Variants in GGT5 observed in about 807,000 individuals in gnomAD.
GGT5 encodes glutathione hydrolase 5 proenzyme.
In GGT5, 50 loss-of-function variants were observed where a neutral mutation model predicts 58.1. The ratio of observed to expected loss-of-function variants is 0.86; its 90% CI spans 0.69 to 1.09. GGT5 has a LOEUF of 1.09. Ranked by LOEUF, GGT5 falls within the 50% of genes least tolerant of loss-of-function variation. The probability of loss-of-function intolerance (pLI) is 0.00; values close to 1 mark genes in which losing one functional copy is unlikely to be tolerated. For synonymous variants in GGT5, 370 were observed against 346.1 expected (o/e 1.07, Z -0.77); for missense variants, 800 against 789.4 (o/e 1.01, Z -0.16).
chr22:24,232,277 A>G (rs2047968224), intron 4 of GGT5, 69 bp from the exon 5 acceptor site: 2 of 914,840 alleles, frequency 2.2e-6, no homozygotes, highest in Non-Finnish European at 3.2e-6. Context: ...CGGGGCTCTC[A>G]TGGGTGGAGT....
chr22:24,226,359 C>T, intron 7 of GGT5, 93 bp from the exon 8 acceptor site: 1 of 994,788 alleles, frequency 1.0e-6, no homozygotes, highest in Non-Finnish European at 1.5e-6. Context: ...ATGGGGGCCA[C>T]CTCCAGTCTG....
At chr22:24,244,491 C>A in intron 1 of GGT5, 62 bp downstream of exon 1, 1 of 1,386,790 alleles carries the variant, frequency 7.2e-7, no homozygotes, top group Non-Finnish European at 1.0e-6. Flanking sequence ...CACACACACA[C>A]GCCTTCTCCA....
chr22:24,230,442 C>T (rs2047904244), intron 6 of GGT5, among the ~76,000 whole-genome samples: 1 of 151,120 alleles, frequency 6.6e-6, no homozygotes, highest in South Asian at 2.1e-4. Flanking sequence ...CCTGTAATCC[C>T]AGCTACTTGG....
intron 1 of GGT5, among the ~76,000 whole-genome samples, chr22:24,234,939 C>G (rs1248472620): frequency 6.6e-6 from 1 of 152,088 alleles, no homozygotes; most frequent in African/African-American, 2.4e-5. Context: ...GTCAGCCTGG[C>G]CTACATTATG....
chr22:24,225,971 C>T, intron 8 of GGT5, 105 bp downstream of exon 8: 1 of 799,162 alleles, frequency 1.3e-6, no homozygotes, highest in Non-Finnish European at 1.9e-6. Flanking sequence ...AGGGCAAAAG[C>T]AAGGTGCTGC....
At chr22:24,233,373 G>A (rs45486002) in intron 3 of GGT5, 125 bp downstream of exon 3, 14,060 of 603,322 alleles carry the variant, frequency 0.023, 438 homozygotes, top group African/African-American at 0.12. Flanking sequence ...GTTCCCCACA[G>A]GCTCCGTGTC....
chr22:24,222,557 TAA>T (rs2047622662), intron 11 of GGT5, among the ~76,000 whole-genome samples: 1 of 152,216 alleles, frequency 6.6e-6, no homozygotes, highest in South Asian at 2.1e-4. Flanking sequence ...CTTGGAGGCT[TAA>T]AGTCTCCAAC....
chr22:24,221,049 G>A (rs978875543), intron 11 of GGT5, among the ~76,000 whole-genome samples: 3 of 151,678 alleles, frequency 2.0e-5, no homozygotes, highest in African/African-American at 4.8e-5. Flanking sequence ...GACTGAAACC[G>A]CCTTTGCAAA....
At chr22:24,228,318 A>T (rs1489754061) in intron 6 of GGT5, among the ~76,000 whole-genome samples, 2 of 152,030 alleles carry the variant, frequency 1.3e-5, no homozygotes, top group East Asian at 3.9e-4. Context: ...ACAGCTCACA[A>T]CCTTACAAGA....
At chr22:24,238,847 T>TCC (rs2048211771) in intron 1 of GGT5, among the ~76,000 whole-genome samples, 1 of 11,422 alleles carries the variant, frequency 8.8e-5, no homozygotes, top group African/African-American at 5.6e-4. Flanking sequence ...ATATATATAT[T>TCC]ATATATATTA....
chr22:24,240,536 C>T (rs114840812), intron 1 of GGT5, among the ~76,000 whole-genome samples: 4,241 of 151,644 alleles, frequency 0.028, 74 homozygotes, highest in Admixed American at 0.042. Flanking sequence ...TCTCCCAGGC[C>T]GGAGTGCAGC....
intron 8 of GGT5, among the ~76,000 whole-genome samples, 177 bp downstream of exon 8, chr22:24,225,899 G>A (rs1277499837): frequency 1.3e-5 from 2 of 152,132 alleles, no homozygotes; most frequent in East Asian, 3.9e-4. Flanking sequence ...CACCCCAGCA[G>A]CAGCCTTTCC....
intron 11 of GGT5, among the ~76,000 whole-genome samples, chr22:24,224,743 G>C (rs975319903): frequency 6.6e-6 from 1 of 152,214 alleles, no homozygotes. Context: ...ACAGACCAGA[G>C]ACCAAGGTGC....
chr22:24,226,343 GC>G (rs1245436601), intron 7 of GGT5, 77 bp from the exon 8 acceptor site: 5 of 1,186,574 alleles, frequency 4.2e-6, no homozygotes, highest in Non-Finnish European at 6.0e-6. Context: ...GATGAGATCA[GC>G]CCCCATGGGG....
At chr22:24,229,860 A>G (rs1030907779) in intron 6 of GGT5, among the ~76,000 whole-genome samples, 16 of 151,722 alleles carry the variant, frequency 1.1e-4, no homozygotes, top group African/African-American at 3.9e-4. Context: ...CAAAAAAAAA[A>G]AGAAAAAAAA....
At chr22:24,225,509 G>T in intron 9 of GGT5, 37 bp downstream of exon 9, 3 of 1,575,694 alleles carry the variant, frequency 1.9e-6, no homozygotes, top group East Asian at 2.2e-5. Flanking sequence ...CTGGTGGGGG[G>T]CCCTTGTGGA....
chr22:24,244,907 G>A lies in GGT5; in HGVS notation c.-182C>T. 11 of 1,097,958 alleles carry A rather than the reference G, an allele frequency of 1.0e-5. No homozygotes were observed. The South Asian group carries it at 1.5e-4, about 15-fold the overall frequency. The allele number at this position is 1,097,958 out of a possible 1,614,324, so 68.0% of individuals were successfully genotyped here. A position where few individuals can be genotyped will look rare whatever the true frequency, so the allele number is the denominator to read the frequency against. On this transcript the variant is annotated 5_prime_UTR_variant, in exon 1 of 12. Transcript: ENST00000327365. The stretch of plus-strand genomic sequence containing the variant: ...GATAGGCCAGATAGCTAGACAAAGA[G>A]GACAGTAAGAGAAAGATGGTCAGAT...
At chr22:24,234,030 G>A in intron 1 of GGT5, 26 bp from the exon 2 acceptor site, 2 of 1,581,454 alleles carry the variant, frequency 1.3e-6, no homozygotes, top group Admixed American at 1.8e-5. Context: ...CAGAGTCGCT[G>A]TGGGGCTCCC....
rs762372922 is a variant in GGT5 at position 24,244,710 on chromosome 22, C to T, written c.16G>A (p.Gly6Arg). Residue 6 changes from glycine to arginine, a missense_variant, in exon 1 of 12, where the codon GGG becomes AGG. Coordinates refer to ENST00000327365, the MANE Select transcript of GGT5 (RefSeq NM_004121.5). ...AGCAGGACTAGGCTGACCGTGGCCC[C>T]GTAGCCCCGGGCCATGGCTCTGCAG... MARGY[G>R]ATVSLVLLGL... 19 of 1,610,834 alleles carry T rather than the reference C, an allele frequency of 1.2e-5. No homozygotes were observed. The highest frequency in any genetic ancestry group is 6.7e-5 in the African/African-American group (5 of 74,876).
Sources: gnomAD v4.1 joint callset for allele counts (sites outside exome capture counted in the v4.1 genomes callset) on GRCh38, gnomAD v4.1.1 for gene constraint, MANE v1.5 for transcripts, NCBI Gene and HGNC (gene_info 2026-07-23, HGNC 2026-07-21) for gene names.